Variants in ERICH1 observed in about 807,000 individuals in gnomAD.
ERICH1 encodes glutamate rich 1, also known as glutamate-rich protein 1.
Under a neutral mutation model 39.6 loss-of-function variants are expected in ERICH1, and 56 were observed. That is an observed-to-expected ratio of 1.41 (90% CI 1.14 to 1.77). The LOEUF is 1.77. Ranked by LOEUF, ERICH1 falls within the 40% of genes most tolerant of loss-of-function variation. The pLI is 0.00. For missense variants in ERICH1, 826 were observed against 575.4 expected (o/e 1.44, Z -4.45); for synonymous variants, 313 against 223.6 (o/e 1.40, Z -3.57).
At chr8:700,739 G>A (rs1273081146) in intron 2 of ERICH1, among the ~76,000 whole-genome samples, 9 of 152,232 alleles carry the variant, frequency 5.9e-5, no homozygotes, top group Non-Finnish European at 7.3e-5. Flanking sequence ...CCATCGGATG[G>A]CCTCCTCCAT....
At chr8:729,639 T>C (rs529640330) in intron 1 of ERICH1, among the ~76,000 whole-genome samples, 1 of 152,228 alleles carries the variant, frequency 6.6e-6, no homozygotes, top group Admixed American at 6.5e-5. Flanking sequence ...TTTATAAACT[T>C]TTGGGATTTA....
At chr8:726,822 GCACAGA>G (rs771133545) in intron 1 of ERICH1, among the ~76,000 whole-genome samples, 4 of 151,200 alleles carry the variant, frequency 2.6e-5, no homozygotes, top group East Asian at 2.0e-4. Flanking sequence ...CACCACACAT[GCACAGA>G]CACAGACACC....
In ERICH1 at chr8:656,379, G is replaced by T. The variant is rs191195344; in HGVS notation, c.976+12219C>A. ...ATCTGACCCAGTGATTTTAACATCC[G>T]GATCGTCCTTGTTGGGTTTGGTTAT... On this transcript the variant is annotated intron_variant, in intron 3 of 3. Transcript: ENST00000522706. Among the ~76,000 whole-genome samples the T allele has an allele frequency of 1.7e-4, 26 of 152,242 alleles. No homozygotes were observed. The East Asian group carries it at 1.9e-3, about 11-fold the overall frequency.
At chr8:615,888 T>A (rs1796876593) in intron 3 of ERICH1, 1 of 152,408 alleles carries the variant, frequency 6.6e-6, no homozygotes, top group Non-Finnish European at 1.5e-5. Context: ...TCCTCTTTAA[T>A]GAATACGCTG....
At chr8:672,090 AG>A (rs560080743) in intron 4 of ERICH1, 1 of 152,866 alleles carries the variant, frequency 6.5e-6, no homozygotes, top group Non-Finnish European at 1.5e-5. Flanking sequence ...TGAGGGTTCC[AG>A]GAGTTCCATC....
intron 1 of ERICH1, among the ~76,000 whole-genome samples, chr8:728,164 G>C (rs1448836653): frequency 6.6e-6 from 1 of 152,202 alleles, no homozygotes; most frequent in Non-Finnish European, 1.5e-5. Flanking sequence ...GTCAGGGAGA[G>C]GGCCAGAGCC....
At chr8:639,023 T>C (rs1411314034) in intron 3 of ERICH1, among the ~76,000 whole-genome samples, 1 of 152,054 alleles carries the variant, frequency 6.6e-6, no homozygotes, top group Non-Finnish European at 1.5e-5. Flanking sequence ...CCCACAACAC[T>C]GCAACGGAAG....
rs763695667 is a variant in ERICH1 at position 668,689 on chromosome 8, C to T, written c.1167G>A (p.Leu389=). 4 of 1,614,124 alleles carry T rather than the reference C, an allele frequency of 2.5e-6. No homozygotes were observed. Among genetic ancestry groups the T allele is most frequent in the Non-Finnish European group, 3.4e-6 (4 of 1,180,052 alleles). The part of the protein sequence containing the change: ...HSMLPSDVSI[L]YHMKTLLLLQ... ...GGAGCAGCAGCGTTTTCATGTGGTACAGGATGGACACGTCTGAGGGCAGCA... is the reference window on the plus strand; with the variant it reads ...GGAGCAGCAGCGTTTTCATGTGGTATAGGATGGACACGTCTGAGGGCAGCA... Residue 389 remains leucine (L), a synonymous_variant, in exon 5 of 6, where the codon CTG becomes CTA. Transcript: ENST00000262109.
intron 3 of ERICH1, among the ~76,000 whole-genome samples, chr8:652,854 G>A (rs78279691): frequency 0.012 from 1,810 of 152,266 alleles, 32 homozygotes; most frequent in African/African-American, 0.04. Context: ...AAAGATGTCC[G>A]GCACCACTAA....
intron 1 of ERICH1, among the ~76,000 whole-genome samples, chr8:729,288 A>C (rs1758230885): frequency 6.6e-6 from 1 of 152,128 alleles, no homozygotes; most frequent in African/African-American, 2.4e-5. Flanking sequence ...TCCCACCATC[A>C]ACAACAGCGC....
chr8:723,661 G>A (rs78219764), intron 1 of ERICH1, among the ~76,000 whole-genome samples: 1,692 of 152,292 alleles, frequency 0.011, 40 homozygotes, highest in African/African-American at 0.039. Flanking sequence ...CTGTCTCATT[G>A]TAATAGGCAT....
chr8:683,236 T>C (rs1056860918), intron 3 of ERICH1, among the ~76,000 whole-genome samples: 1 of 152,154 alleles, frequency 6.6e-6, no homozygotes, highest in African/African-American at 2.4e-5. Flanking sequence ...TTGCTTGCCA[T>C]GTAGAAGACC....
At chr8:695,427 G>A (rs1167527362) in intron 2 of ERICH1, among the ~76,000 whole-genome samples, 6 of 152,014 alleles carry the variant, frequency 3.9e-5, no homozygotes, top group East Asian at 1.9e-4. Context: ...TCCTTACGCC[G>A]CTCACCTGGC....
intron 3 of ERICH1, among the ~76,000 whole-genome samples, chr8:630,653 C>T (rs1414082110): frequency 8.4e-5 from 11 of 130,708 alleles, no homozygotes; most frequent in Non-Finnish European, 1.5e-4. Flanking sequence ...CTGTGACCAC[C>T]CACACAGACA....
intron 3 of ERICH1, among the ~76,000 whole-genome samples, chr8:624,850 C>A (rs967244770): frequency 2.0e-5 from 3 of 152,156 alleles, no homozygotes; most frequent in African/African-American, 4.8e-5. Flanking sequence ...CCTCAGCCTC[C>A]AGAGTAGCTG....
At chr8:661,029 C>A (rs1028516418), downstream of ERICH1, among the ~76,000 whole-genome samples, 13 of 152,204 alleles carry the variant, frequency 8.5e-5, no homozygotes, top group Non-Finnish European at 1.8e-4. Context: ...TGGACCAAAG[C>A]CCTAAGTAAC....
At chr8:730,906 C>A (rs1437854915) in intron 1 of ERICH1, among the ~76,000 whole-genome samples, 1 of 152,180 alleles carries the variant, frequency 6.6e-6, no homozygotes, top group Non-Finnish European at 1.5e-5. Flanking sequence ...CAGGTGGGGC[C>A]TGGCAGGGCC....
At chr8:668,458 G>A (rs1331010815) in intron 5 of ERICH1, 140 bp downstream of exon 5, 2 of 763,018 alleles carry the variant, frequency 2.6e-6, no homozygotes, top group South Asian at 1.7e-5. Context: ...GTTTCTCTCT[G>A]GGACTCTATT....
chr8:627,206 T>C (rs1797639131), intron 3 of ERICH1: 2 of 456,148 alleles, frequency 4.4e-6, no homozygotes, highest in African/African-American at 4.0e-5. Flanking sequence ...CCTGTACCAT[T>C]GGCCCAGGCT....
Sources: allele counts gnomAD v4.1 joint callset (sites outside exome capture counted in the v4.1 genomes callset), GRCh38; gene constraint gnomAD v4.1.1; transcripts MANE v1.5; gene names NCBI Gene and HGNC (gene_info 2026-07-23, HGNC 2026-07-21).